SCFD2: variants seen among roughly 807,000 people sequenced by gnomAD.
The protein encoded by SCFD2 is sec1 family domain containing 2.
Under a neutral mutation model 58.9 loss-of-function variants are expected in SCFD2, and 54 were observed. The observed-to-expected ratio is 0.92, with a 90% CI of 0.74 to 1.15. SCFD2 has a LOEUF of 1.15. SCFD2 is among the 50% of genes most tolerant of loss of function. SCFD2 has a pLI of 0.00. For synonymous variants in SCFD2, 321 were observed against 335.9 expected (o/e 0.96, Z 0.49); for missense variants, 805 against 836.6 (o/e 0.96, Z 0.47).
chr4:53,316,564 T>G (rs1291940930), intron 2 of SCFD2, among the ~76,000 whole-genome samples: 1 of 152,192 alleles, frequency 6.6e-6, no homozygotes, highest in African/African-American at 2.4e-5. Context: ...TAAGTGGTAT[T>G]GTCTTATATT....
intron 3 of SCFD2, among the ~76,000 whole-genome samples, chr4:53,309,041 G>A (rs182464626): frequency 6.6e-6 from 1 of 152,006 alleles, no homozygotes; most frequent in Admixed American, 6.6e-5. Context: ...GCTGAGGCAG[G>A]AGAATCGCTT....
intron 1 of SCFD2, among the ~76,000 whole-genome samples, chr4:53,357,981 C>T (rs1224866087): frequency 6.6e-6 from 1 of 152,176 alleles, no homozygotes; most frequent in Non-Finnish European, 1.5e-5. Context: ...CTCTGTGCTT[C>T]AGTTTCATCC....
chr4:53,009,726 A>G (rs531773546), intron 5 of SCFD2, among the ~76,000 whole-genome samples: 2 of 152,222 alleles, frequency 1.3e-5, no homozygotes, highest in South Asian at 4.1e-4. Context: ...TTTTTTCACT[A>G]TTATGGCATC....
chr4:53,248,957 A>C (rs1224002039), intron 4 of SCFD2, among the ~76,000 whole-genome samples: 1 of 152,250 alleles, frequency 6.6e-6, no homozygotes, highest in Non-Finnish European at 1.5e-5. Context: ...TGGACGGAGA[A>C]TGACTTTGAT....
intron 4 of SCFD2, among the ~76,000 whole-genome samples, chr4:53,191,961 C>T (rs1417248893): frequency 2.0e-5 from 3 of 152,192 alleles, no homozygotes; most frequent in Non-Finnish European, 4.4e-5. Flanking sequence ...GCTGTCCCCA[C>T]ATGCCTTAAC....
chr4:52,878,144 C>T (rs1412630174), intron 8 of SCFD2, among the ~76,000 whole-genome samples: 1 of 152,200 alleles, frequency 6.6e-6, no homozygotes, highest in Non-Finnish European at 1.5e-5. Flanking sequence ...GTTGGTATCT[C>T]ACGGTATTCC....
chr4:53,095,941 T>C (rs901117592), intron 5 of SCFD2, among the ~76,000 whole-genome samples: 3 of 151,198 alleles, frequency 2.0e-5, no homozygotes, highest in Non-Finnish European at 3.0e-5. Context: ...CATTGTTCAA[T>C]TCCCACCTAT....
At chr4:53,002,584 C>T (rs955808169) in intron 5 of SCFD2, among the ~76,000 whole-genome samples, 1 of 152,142 alleles carries the variant, frequency 6.6e-6, no homozygotes, top group African/African-American at 2.4e-5. Context: ...TTTCTTGAGC[C>T]CCTCCTATGA....
chr4:53,030,618 C>T (rs1722593521), intron 5 of SCFD2, among the ~76,000 whole-genome samples: 1 of 152,158 alleles, frequency 6.6e-6, no homozygotes, highest in Non-Finnish European at 1.5e-5. Flanking sequence ...GACGGAGTTT[C>T]ACCATGTTAG....
intron 3 of SCFD2, among the ~76,000 whole-genome samples, chr4:53,277,460 T>A (rs1019412779): frequency 1.3e-5 from 2 of 152,090 alleles, no homozygotes; most frequent in Admixed American, 6.6e-5. Flanking sequence ...TTAATGATCA[T>A]ACAAATAATT....
chr4:53,334,428 A>G (rs1169052870), intron 2 of SCFD2, among the ~76,000 whole-genome samples: 1 of 151,908 alleles, frequency 6.6e-6, no homozygotes, highest in Non-Finnish European at 1.5e-5. Context: ...GCCATAAAAA[A>G]TGATGAGTTC....
intron 5 of SCFD2, among the ~76,000 whole-genome samples, chr4:53,006,291 C>T (rs1019607989): frequency 6.6e-6 from 1 of 152,202 alleles, no homozygotes; most frequent in African/African-American, 2.4e-5. Flanking sequence ...AACTTCCTTT[C>T]ACCTTGCTCC....
Position 52,885,605 on chromosome 4 carries a change from G to A in SCFD2, c.1962+142C>T, listed in dbSNP as rs1260091250. ...GGAAGACATTGTGAAACAGGCGGTA[G>A]CAGGAGGGAGGGAACAAAGCCAAGA... is the stretch of plus-strand genomic sequence containing the variant. On this transcript the variant is annotated intron_variant, in intron 8 of 8. Transcript: ENST00000401642. 5 of 895,542 alleles carry A rather than the reference G, an allele frequency of 5.6e-6. No homozygotes were observed. In the East Asian group the frequency reaches 1.3e-4, roughly 22 times the overall value. 55.5% of individuals were successfully genotyped at this position (895,542 alleles called of 1,614,324 possible). A position where few individuals can be genotyped will look rare whatever the true frequency, so the allele number is the denominator to read the frequency against.
At chr4:53,227,062 G>A (rs1399835967) in intron 4 of SCFD2, among the ~76,000 whole-genome samples, 1 of 152,110 alleles carries the variant, frequency 6.6e-6, no homozygotes, top group Non-Finnish European at 1.5e-5. Flanking sequence ...AAAGAAGATG[G>A]AGCATGTGGC....
rs1560462134 is a variant in SCFD2, at chr4:53,352,585, C to T, written c.1007+13G>A. ...ACAGAGAAAGATAAGATGACAAAAA[C>T]TATATATCTTACCTGGATTGTGAAA... is the stretch of plus-strand genomic sequence containing the variant. On this transcript the variant is annotated intron_variant, in intron 2 of 8. Coordinates refer to ENST00000401642, the MANE Select transcript of SCFD2 (RefSeq NM_152540.4). 1 of 1,598,986 alleles carries T rather than the reference C, an allele frequency of 6.3e-7. No homozygotes were observed. The highest frequency in any genetic ancestry group is 8.6e-7 in the Non-Finnish European group (1 of 1,168,406).
intron 5 of SCFD2, among the ~76,000 whole-genome samples, chr4:53,111,201 G>A (rs1725163236): frequency 6.6e-6 from 1 of 152,240 alleles, no homozygotes; most frequent in Non-Finnish European, 1.5e-5. Flanking sequence ...TGGGGGACTA[G>A]GGGAGGGATT....
intron 2 of SCFD2, among the ~76,000 whole-genome samples, chr4:53,322,289 T>G (rs1419197835): frequency 6.6e-6 from 1 of 152,144 alleles, no homozygotes; most frequent in Non-Finnish European, 1.5e-5. Flanking sequence ...TGACCTCTGG[T>G]TGTCCTCACT....
At chr4:53,054,444 T>A (rs1451486806) in intron 5 of SCFD2, among the ~76,000 whole-genome samples, 2 of 152,170 alleles carry the variant, frequency 1.3e-5, no homozygotes, top group African/African-American at 4.8e-5. Flanking sequence ...TCATGGTGCC[T>A]ATCACACAGA....
At chr4:52,883,084 C>T (rs1454086188) in intron 8 of SCFD2, among the ~76,000 whole-genome samples, 1 of 152,230 alleles carries the variant, frequency 6.6e-6, no homozygotes, top group Non-Finnish European at 1.5e-5. Flanking sequence ...AATTAGGTCA[C>T]ATGTGTTCTC....
Sources: gnomAD v4.1 joint callset for allele counts (sites outside exome capture counted in the v4.1 genomes callset) on GRCh38, gnomAD v4.1.1 for gene constraint, MANE v1.5 for transcripts, NCBI Gene and HGNC (gene_info 2026-07-23, HGNC 2026-07-21) for gene names.